Variants in MNAT1 observed in about 807,000 individuals in gnomAD.
The protein encoded by MNAT1 is MNAT1 component of CDK activating kinase, also known as CDK-activating kinase assembly factor MAT1.
In MNAT1, 43 loss-of-function variants were observed where a neutral mutation model predicts 42.0. The ratio of observed to expected loss-of-function variants is 1.02; its 90% confidence interval spans 0.80 to 1.32. MNAT1 has a LOEUF of 1.32. Among genes scored for constraint, MNAT1 ranks in the 40% most tolerant of loss-of-function variants. The probability of loss-of-function intolerance (pLI) is 0.00; values close to 1 mark genes in which losing one functional copy is unlikely to be tolerated. For synonymous variants in MNAT1, 118 were observed against 120.0 expected, an observed-to-expected ratio of 0.98 and a Z score of 0.11; for missense variants, 306 against 350.4, an observed-to-expected ratio of 0.87 and a Z score of 1.01.
intron 7 of MNAT1, among the ~76,000 whole-genome samples, chr14:60,882,445 T>C (rs553665255): frequency 6.6e-6 from 1 of 152,186 alleles, no homozygotes; most frequent in Admixed American, 6.5e-5. Flanking sequence ...AATACTCCAC[T>C]GTGTATATGT....
chr14:60,875,237 A>G (rs1391776772), intron 6 of MNAT1, among the ~76,000 whole-genome samples: 2 of 152,134 alleles, frequency 1.3e-5, no homozygotes, highest in African/African-American at 4.8e-5. Flanking sequence ...TAAAACTTTT[A>G]AATTGAACAA....
At chr14:60,902,429 CT>C (rs2035090142) in intron 7 of MNAT1, among the ~76,000 whole-genome samples, 3 of 152,150 alleles carry the variant, frequency 2.0e-5, no homozygotes, top group Admixed American at 1.3e-4. Flanking sequence ...TTTTCTCTTG[CT>C]ACTTATCTTT....
intron 6 of MNAT1, among the ~76,000 whole-genome samples, chr14:60,875,302 A>G (rs1202323695): frequency 6.6e-6 from 1 of 152,134 alleles, no homozygotes; most frequent in Non-Finnish European, 1.5e-5. Flanking sequence ...TGGAACCCAC[A>G]CTGGGCAGTA....
chr14:60,769,181 A>T (rs2030953893), intron 1 of MNAT1, among the ~76,000 whole-genome samples: 1 of 151,982 alleles, frequency 6.6e-6, no homozygotes, highest in Non-Finnish European at 1.5e-5. Flanking sequence ...TTCTTCATAG[A>T]TTGGCCAGAT....
intron 1 of MNAT1, among the ~76,000 whole-genome samples, chr14:60,795,761 A>C (rs1378494879): frequency 6.6e-6 from 1 of 152,180 alleles, no homozygotes; most frequent in Non-Finnish European, 1.5e-5. Flanking sequence ...TGAACTTTCA[A>C]AAGACATTCT....
intron 1 of MNAT1, among the ~76,000 whole-genome samples, chr14:60,776,051 A>C (rs2031238072): frequency 6.6e-6 from 1 of 152,206 alleles, no homozygotes; most frequent in South Asian, 2.1e-4. Flanking sequence ...GGACTGGTAG[A>C]TAGATGGCTT....
At chr14:60,866,019 A>G (rs2034194494) in intron 6 of MNAT1, among the ~76,000 whole-genome samples, 1 of 152,110 alleles carries the variant, frequency 6.6e-6, no homozygotes, top group Admixed American at 6.6e-5. Context: ...GAAAATTCAA[A>G]TGCTTGTCAT....
intron 1 of MNAT1, among the ~76,000 whole-genome samples, chr14:60,742,855 A>T (rs1896512643): frequency 6.6e-6 from 1 of 152,256 alleles, no homozygotes; most frequent in African/African-American, 2.4e-5. Flanking sequence ...GCTGAATATT[A>T]TTCCATTGTA....
At chr14:60,931,766 G>A (rs2035889231) in intron 7 of MNAT1, among the ~76,000 whole-genome samples, 1 of 151,942 alleles carries the variant, frequency 6.6e-6, no homozygotes, top group African/African-American at 2.4e-5. Flanking sequence ...TATATATGGT[G>A]TGTGTGTATA....
intron 5 of MNAT1, among the ~76,000 whole-genome samples, chr14:60,813,729 A>T (rs1282067464): frequency 6.6e-6 from 1 of 152,192 alleles, no homozygotes; most frequent in Non-Finnish European, 1.5e-5. Context: ...CTCTATCCCA[A>T]TGTGAGTTTA....
intron 7 of MNAT1, among the ~76,000 whole-genome samples, chr14:60,944,007 T>A (rs922494009): frequency 6.6e-6 from 1 of 152,244 alleles, no homozygotes; most frequent in African/African-American, 2.4e-5. Flanking sequence ...AACTGCAATG[T>A]CATTCCAGAA....
chr14:60,835,062 A>G (rs2033350813), intron 6 of MNAT1, among the ~76,000 whole-genome samples: 1 of 145,660 alleles, frequency 6.9e-6, no homozygotes, highest in South Asian at 2.2e-4. Context: ...ATCAGAGTCT[A>G]AGATTTCAAG....
chr14:60,932,506 A>G (rs1048387934), intron 7 of MNAT1, among the ~76,000 whole-genome samples: 1 of 152,008 alleles, frequency 6.6e-6, no homozygotes, highest in African/African-American at 2.4e-5. Context: ...ATAGTTCAAG[A>G]AACTGTCTTA....
At chr14:60,936,540 A>T (rs1034457015) in intron 7 of MNAT1, among the ~76,000 whole-genome samples, 2 of 151,876 alleles carry the variant, frequency 1.3e-5, no homozygotes, top group Non-Finnish European at 2.9e-5. Context: ...CCATGTCCCT[A>T]CAAAGGACAT....
intron 1 of MNAT1, among the ~76,000 whole-genome samples, chr14:60,761,621 C>G: frequency 6.6e-6 from 1 of 152,216 alleles, no homozygotes; most frequent in South Asian, 2.1e-4. Context: ...AAGCAGCTCT[C>G]TTTGTTTAGG....
At chr14:60,843,175 A>G (rs1329950088) in intron 6 of MNAT1, among the ~76,000 whole-genome samples, 1 of 152,118 alleles carries the variant, frequency 6.6e-6, no homozygotes. Context: ...TTTTAATTTT[A>G]GTTATTTTGG....
At chr14:60,823,289 T>G (rs1306545307) in intron 6 of MNAT1, among the ~76,000 whole-genome samples, 1 of 152,162 alleles carries the variant, frequency 6.6e-6, no homozygotes, top group Non-Finnish European at 1.5e-5. Context: ...TTAGCAGCAG[T>G]GCTCTCTGTT....
rs865948644 is a variant in MNAT1 at position 60,909,983 on chromosome 14, A to G, written c.809+30148A>G. On this transcript the variant is annotated intron_variant, in intron 7 of 7. Transcript: ENST00000261245. ...ATGGAATGTTCTTCCATTTGTTTGT[A>G]TCCTCTTTTATTTCACTGAGCAGTG... is the stretch of plus-strand genomic sequence containing the variant. Among the ~76,000 whole-genome samples, 777 of 152,102 alleles carry G rather than the reference A, an allele frequency of 5.1e-3. 14 individuals carry two copies. Among genetic ancestry groups the G allele is most frequent in the African/African-American group, 0.018 (730 of 41,484 alleles).
At chr14:60,897,558 A>G (rs1243123258) in intron 7 of MNAT1, among the ~76,000 whole-genome samples, 1 of 152,106 alleles carries the variant, frequency 6.6e-6, no homozygotes, top group Non-Finnish European at 1.5e-5. Context: ...CTTATGCATG[A>G]TTTAAATGAA....
Sources: allele counts gnomAD v4.1 joint callset (sites outside exome capture counted in the v4.1 genomes callset), GRCh38; gene constraint gnomAD v4.1.1; transcripts MANE v1.5; gene names NCBI Gene and HGNC (gene_info 2026-07-23, HGNC 2026-07-21).